Variants in ATP2A1 observed in about 807,000 individuals in gnomAD.
ATP2A1 encodes the protein ATPase sarcoplasmic/endoplasmic reticulum Ca2+ transporting 1, also known as sarcoplasmic/endoplasmic reticulum calcium ATPase 1.
Under a neutral mutation model 109.5 loss-of-function variants are expected in ATP2A1, and 83 were observed. The ratio of observed to expected loss-of-function variants is 0.76; its 90% CI spans 0.63 to 0.91. ATP2A1 has a LOEUF of 0.91. ATP2A1 is among the 40% of genes least tolerant of loss of function. The pLI is 0.00. For synonymous variants in ATP2A1, 505 were observed against 537.6 expected, an observed-to-expected ratio of 0.94 and a Z score of 0.84; for missense variants, 1,101 against 1,341.0, an observed-to-expected ratio of 0.82 and a Z score of 2.80.
rs1427809956 is a variant in ATP2A1 at position 28,888,828 on chromosome 16, C to T, written c.970C>T (p.Arg324Cys). 3.7e-6 allele frequency: 6 copies of T among 1,614,004 alleles called. No individual in the cohort carries two copies. Among genetic ancestry groups the T allele is most frequent in the East Asian group, 4.5e-5 (2 of 44,894 alleles). Residue 324 changes from arginine to cysteine, a missense_variant, in exon 9 of 23, where the codon CGT becomes TGT. Transcript: ENST00000395503. ...CACCACCTGCCTGGCCCTGGGTACC[C>T]GTCGGATGGCAAAGAAGAATGCCAT... ...VITTCLALGT[R>C]RMAKKNAIVR...
rs1414582074 is a variant in ATP2A1, at chr16:28,898,269, G to A, written c.1582G>A (p.Val528Met). The A allele has an allele frequency of 6.2e-7, 1 of 1,614,132 alleles. No individual in the cohort carries two copies. The highest frequency in any genetic ancestry group is 8.5e-7 in the Non-Finnish European group (1 of 1,180,056). The change falls in exon 14 of 23, where the codon GTG (valine) becomes ATG (methionine). Residue 528 changes from valine (V) to methionine (M), a missense_variant. Coordinates refer to ENST00000395503, the MANE Select transcript of ATP2A1 (RefSeq NM_004320.6). The surrounding 1 kb of genome is among the most constrained non-coding windows in gnomAD (Gnocchi z 4.0). ...GGGCGTCATCGACCGCTGTAACTATGTGCGAGTTGGCACCACCCGGGTGCC... is the reference window on the plus strand; with the variant it reads ...GGGCGTCATCGACCGCTGTAACTATATGCGAGTTGGCACCACCCGGGTGCC... ...PEGVIDRCNY[V>M]RVGTTRVPLT...
intron 4 of ATP2A1, 88 bp downstream of exon 4, chr16:28,881,107 T>TC: frequency 1.5e-6 from 2 of 1,298,212 alleles, no homozygotes; most frequent in Middle Eastern, 1.8e-4. Flanking sequence ...CTCCATCACC[T>TC]CCCCCATACT....
chr16:28,892,316 G>C (rs774912059), intron 9 of ATP2A1: 8 of 364,616 alleles, frequency 2.2e-5, no homozygotes, highest in South Asian at 1.5e-4. Context: ...TCCTTGCAGG[G>C]TCTTCCACTG....
At position 28,879,578 on chromosome 16, in the gene ATP2A1, T is replaced by G; in HGVS notation, c.214T>G (p.Ser72Ala). The G allele has an allele frequency of 6.2e-7, 1 of 1,614,130 alleles. No homozygotes were observed. The highest frequency in any genetic ancestry group is 8.5e-7 in the Non-Finnish European group (1 of 1,180,012). ...VRILLLAACI[S>A]FVLAWFEEGE... is the part of the protein sequence containing the mutation. ...GATTCTCCTCCTGGCCGCATGCATT[T>G]CCTTCGTAAGTGTGGGAGGGTCTCT... Residue 72 changes from serine to alanine, a missense_variant, in exon 3 of 23, where the codon TCC becomes GCC. Coordinates refer to ENST00000395503, the MANE Select transcript of ATP2A1 (RefSeq NM_004320.6).
intron 8 of ATP2A1, 149 bp from the exon 9 acceptor site, chr16:28,888,638 C>G (rs751734843): frequency 7.3e-5 from 64 of 872,578 alleles, no homozygotes; most frequent in Non-Finnish European, 1.1e-4. Flanking sequence ...CTCCTGGCCT[C>G]AAGTGATCCT....
Position 28,881,020 on chromosome 16 carries a change from G to A in ATP2A1, c.324+1G>A, listed in dbSNP as rs1963456518. ...CAATGCCATCGTGGGGGTTTGGCAG[G>A]TTAGCGTTGACCCTTCCTTACCCCT... is the stretch of plus-strand genomic sequence containing the variant. On this transcript the variant is annotated splice_donor_variant, in intron 4 of 22. Transcript: ENST00000395503. LOFTEE classifies it high-confidence loss of function. The A allele has an allele frequency of 6.2e-7, 1 of 1,613,738 alleles. No individual in the cohort carries two copies. The highest frequency in any genetic ancestry group is 8.5e-7 in the Non-Finnish European group (1 of 1,179,656).
chr16:28,883,967 C>T lies in ATP2A1; in HGVS notation c.464-608C>T, dbSNP rs140458598. Among the ~76,000 whole-genome samples, 937 of 152,192 alleles carry T rather than the reference C, an allele frequency of 6.2e-3. 13 individuals carry two copies. The highest frequency in any genetic ancestry group is 0.021 in the African/African-American group (884 of 41,532). ...TTGAGTCCTGCCCACTCATACCTTCCGCTCACTCCTCTCCTGCCTTGCCCT... is the reference window on the plus strand; with the variant it reads ...TTGAGTCCTGCCCACTCATACCTTCTGCTCACTCCTCTCCTGCCTTGCCCT... On this transcript the variant is annotated intron_variant, in intron 5 of 22. Transcript: ENST00000395503. The surrounding 1 kb of genome is among the most constrained non-coding windows in gnomAD (Gnocchi z 5.2).
Position 28,887,708 on chromosome 16 carries a change from C to G in ATP2A1, c.914C>G (p.Ala305Gly), listed in dbSNP as rs762152652. The G allele has an allele frequency of 6.2e-7, 1 of 1,614,030 alleles. No individual in the cohort carries two copies. Among genetic ancestry groups the G allele is most frequent in the Non-Finnish European group, 8.5e-7 (1 of 1,180,042 alleles). Reference protein sequence around the residue: ...YFKIAVALAVAAIPEGLPAVI... With the variant: ...YFKIAVALAVGAIPEGLPAVI... ...AAGATTGCCGTGGCCTTGGCTGTGG[C>G]TGCCATCCCCGAAGGTATGAAAGCC... The change falls in exon 8 of 23, where the codon GCT becomes GGT. Residue 305 changes from alanine (A) to glycine (G), a missense_variant. Physicochemically the swap from Ala to Gly is moderately conservative, Grantham distance 60. Transcript: ENST00000395503.
chr16:28,902,458 C>A lies in ATP2A1; in HGVS notation c.2524+72C>A. ...CCCCTCTCTGGGACACCAGCTCCCC[C>A]ATGCAGGTGCTGAGAGGGTCTTCTT... On this transcript the variant is annotated intron_variant, in intron 17 of 22. Transcript: ENST00000395503. The surrounding 1 kb of genome is among the most constrained non-coding windows in gnomAD (Gnocchi z 4.8). 2.5e-6 allele frequency: 4 copies of A among 1,582,236 alleles called. No homozygotes were observed. Among genetic ancestry groups the A allele is most frequent in the Non-Finnish European group, 3.5e-6 (4 of 1,156,794 alleles).
At position 28,900,894 on chromosome 16, in the gene ATP2A1, C is replaced by A; in HGVS notation, c.2078C>A (p.Ser693Tyr). Residue 693 changes from serine (S) to tyrosine (Y), a missense_variant, in exon 15 of 23, where the codon TCC becomes TAC. By Grantham distance (144) the Ser-to-Tyr change is moderately radical. Transcript: ENST00000395503. ...TCCAAGATTGTGGAGTACCTGCAGT[C>A]CTACGATGAGATCACAGCCATGGTG... ...HKSKIVEYLQSYDEITAMTGD... is the reference protein window; with the variant it reads ...HKSKIVEYLQYYDEITAMTGD... The A allele has an allele frequency of 1.2e-6, 2 of 1,614,144 alleles. No homozygotes were observed. The highest frequency in any genetic ancestry group is 1.7e-6 in the Non-Finnish European group (2 of 1,180,032).
In ATP2A1 at chr16:28,883,935, C is replaced by G. The variant is rs551537427; in HGVS notation, c.464-640C>G. 1.6e-4 allele frequency among the ~76,000 whole-genome samples: 25 copies of G among 152,248 alleles called. No homozygotes were observed. The highest frequency in any genetic ancestry group is 5.3e-4 in the African/African-American group (22 of 41,542). ...CTCTCCATGACCACCCTGTGCCCCCCGCTGCCTTGAGTCCTGCCCACTCAT... is the reference window on the plus strand; with the variant it reads ...CTCTCCATGACCACCCTGTGCCCCCGGCTGCCTTGAGTCCTGCCCACTCAT... On this transcript the variant is annotated intron_variant, in intron 5 of 22. Coordinates refer to ENST00000395503, the MANE Select transcript of ATP2A1 (RefSeq NM_004320.6). The surrounding 1 kb of genome is among the most constrained non-coding windows in gnomAD (Gnocchi z 5.2).
chr16:28,901,822 G>T, intron 15 of ATP2A1, 41 bp from the exon 16 acceptor site: 1 of 1,544,348 alleles, frequency 6.5e-7, no homozygotes, highest in Middle Eastern at 1.8e-4. Flanking sequence ...AAGGAGGGAT[G>T]TGTGAAGGTG....
chr16:28,888,398 C>A (rs188260878), intron 8 of ATP2A1, among the ~76,000 whole-genome samples: 3 of 151,826 alleles, frequency 2.0e-5, no homozygotes, highest in African/African-American at 7.3e-5. Flanking sequence ...GGTATCTTTG[C>A]GGACCATTAT....
In ATP2A1 at chr16:28,878,922, G is replaced by C; in HGVS notation, c.118+133G>C. ...CTGGGCCGTTGTCCAATGCTCGCAG[G>C]GGGAAGAAGATACTGAGAAAACAGA... is the stretch of plus-strand genomic sequence containing the variant. On this transcript the variant is annotated intron_variant, in intron 1 of 22. Transcript: ENST00000395503. 3 of 1,334,904 alleles carry C rather than the reference G, an allele frequency of 2.2e-6. No homozygotes were observed. The South Asian group carries it at 3.5e-5, about 16-fold the overall frequency. 82.7% of individuals were successfully genotyped at this position (1,334,904 alleles called of 1,614,324 possible).
At chr16:28,895,950 TTTTA>T (rs1435913106) in intron 12 of ATP2A1, among the ~76,000 whole-genome samples, 1 of 152,106 alleles carries the variant, frequency 6.6e-6, no homozygotes, top group African/African-American at 2.4e-5. Flanking sequence ...AAACATAAAT[TTTTA>T]TTTATTTATT....
In ATP2A1 at chr16:28,898,648, A is replaced by G. The variant is rs1435441268; in HGVS notation, c.1764+197A>G. ...GCCGGGTGCAGTGACTCACACCTGTAATCTCAGCACTTTGGGAAGCTGAGA... is the reference window on the plus strand; with the variant it reads ...GCCGGGTGCAGTGACTCACACCTGTGATCTCAGCACTTTGGGAAGCTGAGA... On this transcript the variant is annotated intron_variant, in intron 14 of 22. Coordinates refer to ENST00000395503, the MANE Select transcript of ATP2A1 (RefSeq NM_004320.6). This position sits in a 1 kb window ranked among gnomAD's most constrained non-coding sequence, Gnocchi z 4.0. 6.6e-6 allele frequency among the ~76,000 whole-genome samples: 1 copy of G among 152,150 alleles called. No homozygotes were observed. The highest frequency in any genetic ancestry group is 1.5e-5 in the Non-Finnish European group (1 of 68,030).
intron 9 of ATP2A1, chr16:28,892,384 A>G: frequency 2.6e-6 from 1 of 389,256 alleles, no homozygotes; most frequent in South Asian, 1.9e-5. Flanking sequence ...ACACCCATGA[A>G]CTAGAAATTG....
At position 28,903,036 on chromosome 16, in the gene ATP2A1, C is replaced by G. The variant is rs758430049; in HGVS notation, c.2751C>G (p.Ser917=). 2 of 1,613,886 alleles carry G rather than the reference C, an allele frequency of 1.2e-6. No individual in the cohort carries two copies. Among genetic ancestry groups the G allele is most frequent in the African/African-American group, 1.3e-5 (1 of 75,026 alleles). Residue 917 remains serine, a synonymous_variant, in exon 20 of 23, where the codon TCC becomes TCG. Transcript: ENST00000395503. This position sits in a 1 kb window ranked among gnomAD's most constrained non-coding sequence, Gnocchi z 5.6. ...IEMCNALNSL[S]ENQSLLRMPP... ...CTCCCCTTCCCCTCTGCAGCCTGTC[C>G]GAGAACCAGTCCCTGCTGCGGATGC...
chr16:28,885,492 C>T (rs1002814484), intron 6 of ATP2A1, among the ~76,000 whole-genome samples: 2 of 151,906 alleles, frequency 1.3e-5, no homozygotes, highest in Admixed American at 1.3e-4. Flanking sequence ...TACAGACGTC[C>T]ACCATCACAC....
Sources: gnomAD v4.1 joint callset for allele counts (sites outside exome capture counted in the v4.1 genomes callset) on GRCh38, gnomAD v4.1.1 for gene constraint, Gnocchi (gnomAD v3.1) non-coding constraint, MANE v1.5 for transcripts, NCBI Gene and HGNC (gene_info 2026-07-23, HGNC 2026-07-21) for gene names.